Variants in SPECC1 observed in about 807,000 individuals in gnomAD.
SPECC1 encodes cytospin-B.
In SPECC1, 62 loss-of-function variants were observed where a neutral mutation model predicts 104.1. The ratio of observed to expected loss-of-function variants is 0.60; its 90% confidence interval spans 0.49 to 0.74. The LOEUF is 0.74. Ranked by LOEUF, SPECC1 falls within the 30% of genes least tolerant of loss-of-function variation. The pLI, the probability that SPECC1 is intolerant of heterozygous loss-of-function variation, is 0.00. For missense variants in SPECC1, 1,306 were observed against 1,310.5 expected (o/e 1.00, Z 0.05); for synonymous variants, 513 against 501.6 (o/e 1.02, Z -0.30).
intron 9 of SPECC1, 96 bp from the exon 10 acceptor site, chr17:20,253,409 C>T: frequency 8.4e-7 from 1 of 1,183,462 alleles, no homozygotes; most frequent in African/African-American, 1.5e-5. Flanking sequence ...TGTTTAAGAA[C>T]TGTTGCACAC....
intron 3 of SPECC1, among the ~76,000 whole-genome samples, chr17:20,194,941 A>T (rs959857761): frequency 6.6e-6 from 1 of 152,226 alleles, no homozygotes; most frequent in Non-Finnish European, 1.5e-5. Context: ...ATAGGAGTAT[A>T]TAAACTGTTA....
chr17:20,036,823 A>G (rs2045107282), intron 1 of SPECC1, among the ~76,000 whole-genome samples: 1 of 152,190 alleles, frequency 6.6e-6, no homozygotes, highest in Non-Finnish European at 1.5e-5. Flanking sequence ...GTTTTGCACA[A>G]GTTAGAACTT....
rs559134478 is a variant in SPECC1, at chr17:20,261,493, C to G, written c.2940+1199C>G. On this transcript the variant is annotated intron_variant, in intron 12 of 14. Transcript: ENST00000395527. ...CTCCAGGCTGGGCGACAGAGCAAGA[C>G]TCCGTCTCAAAAAAAAAAAAAAAAA... Among the ~76,000 whole-genome samples, 12 of 140,290 alleles carry G rather than the reference C, an allele frequency of 8.6e-5. No homozygotes were observed. The South Asian group carries it at 1.4e-3, about 16-fold the overall frequency. The allele number at this position is 140,290 out of a possible 152,430, so 92.0% of individuals were successfully genotyped here. A position where few individuals can be genotyped will look rare whatever the true frequency, so the allele number is the denominator to read the frequency against.
intron 3 of SPECC1, among the ~76,000 whole-genome samples, chr17:20,199,268 G>C (rs1320413741): frequency 1.3e-5 from 2 of 150,790 alleles, no homozygotes; most frequent in African/African-American, 4.9e-5. Flanking sequence ...TGTATTTTTA[G>C]TAGAGACAGG....
intron 13 of SPECC1, among the ~76,000 whole-genome samples, chr17:20,303,328 A>G (rs1229483649): frequency 6.6e-6 from 1 of 152,204 alleles, no homozygotes; most frequent in Non-Finnish European, 1.5e-5. Flanking sequence ...GAGTAGTGTT[A>G]GGGTAACAAG....
At chr17:20,157,870 C>T (rs2032745804) in intron 3 of SPECC1, among the ~76,000 whole-genome samples, 1 of 152,196 alleles carries the variant, frequency 6.6e-6, no homozygotes, top group Non-Finnish European at 1.5e-5. Context: ...CACTATGTTG[C>T]CCAGACTGGC....
intron 3 of SPECC1, chr17:20,156,109 G>A: frequency 7.3e-7 from 1 of 1,362,432 alleles, no homozygotes. Context: ...GGACGCAACC[G>A]CCTCGCCAGC....
At chr17:20,010,550 C>T (rs539176844) in intron 1 of SPECC1, among the ~76,000 whole-genome samples, 60 of 152,312 alleles carry the variant, frequency 3.9e-4, no homozygotes, top group African/African-American at 1.4e-3. Flanking sequence ...TCCAAGCAAG[C>T]GAGTTGAATT....
intron 3 of SPECC1, among the ~76,000 whole-genome samples, chr17:20,185,393 G>A (rs765544304): frequency 7.9e-5 from 12 of 152,178 alleles, no homozygotes; most frequent in Non-Finnish European, 1.3e-4. Flanking sequence ...GCTTGGAGCC[G>A]TGAGCCGTTC....
chr17:20,052,879 T>A (rs1180209202), intron 1 of SPECC1, among the ~76,000 whole-genome samples: 2 of 152,236 alleles, frequency 1.3e-5, no homozygotes, highest in East Asian at 1.9e-4. Context: ...AGAATCTCAA[T>A]GTGAGGTCAC....
chr17:20,165,859 T>G (rs1163541491), intron 3 of SPECC1, among the ~76,000 whole-genome samples: 1 of 152,250 alleles, frequency 6.6e-6, no homozygotes, highest in East Asian at 1.9e-4. Flanking sequence ...GAAAAGTACC[T>G]GTTGATGTCC....
intron 12 of SPECC1, chr17:20,290,168 C>G (rs1346538437): frequency 6.6e-6 from 1 of 151,850 alleles, no homozygotes; most frequent in African/African-American, 2.4e-5. Context: ...GGGTTTCAGT[C>G]ATTTTGTTTG....
chr17:20,230,168 G>A (rs993366956), intron 5 of SPECC1, among the ~76,000 whole-genome samples: 3 of 152,214 alleles, frequency 2.0e-5, no homozygotes, highest in Non-Finnish European at 2.9e-5. Context: ...TGATGAGAAT[G>A]TTGTGACCAG....
chr17:20,015,582 C>CTTTTTTTTTTTTTTTTTTTTT (rs1469162594), intron 1 of SPECC1, among the ~76,000 whole-genome samples: 1 of 81,050 alleles, frequency 1.2e-5, no homozygotes, highest in African/African-American at 4.2e-5. Context: ...TTCCGGGTCT[C>CTTTTTTTTTTTTTTTTTTTTT]TATTTTTTTT....
intron 1 of SPECC1, among the ~76,000 whole-genome samples, chr17:20,082,882 T>TC (rs1451762316): frequency 2.6e-5 from 4 of 152,010 alleles, no homozygotes; most frequent in Non-Finnish European, 4.4e-5. Context: ...CACTTTCCCC[T>TC]CCAGCACCCA....
intron 7 of SPECC1, among the ~76,000 whole-genome samples, chr17:20,236,655 C>CTTTTTTTTT (rs34779112): frequency 1.6e-5 from 2 of 126,058 alleles, no homozygotes; most frequent in Non-Finnish European, 3.3e-5. Context: ...TGCAGTCTGG[C>CTTTTTTTTT]TTTTTTTTTT....
intron 1 of SPECC1, among the ~76,000 whole-genome samples, chr17:20,024,371 C>G (rs1337970197): frequency 6.6e-6 from 1 of 152,162 alleles, no homozygotes; most frequent in Admixed American, 6.5e-5. Flanking sequence ...ATAAATTTTT[C>G]TCTTCTCTTC....
intron 12 of SPECC1, among the ~76,000 whole-genome samples, chr17:20,278,262 A>G (rs1369904256): frequency 6.6e-6 from 1 of 152,158 alleles, no homozygotes; most frequent in East Asian, 1.9e-4. Flanking sequence ...GATTGCCAAC[A>G]ATTTGGGCTC....
chr17:20,169,664 T>TG (rs1292194447), intron 3 of SPECC1, among the ~76,000 whole-genome samples: 1 of 152,150 alleles, frequency 6.6e-6, no homozygotes, highest in Non-Finnish European at 1.5e-5. Context: ...TGTGATCTTA[T>TG]GGTTTTAGAC....
Sources: allele counts gnomAD v4.1 joint callset (sites outside exome capture counted in the v4.1 genomes callset), GRCh38; gene constraint gnomAD v4.1.1; transcripts MANE v1.5; gene names NCBI Gene and HGNC (gene_info 2026-07-23, HGNC 2026-07-21).